Variants in SAMD5 observed in about 807,000 individuals in gnomAD.
The protein encoded by SAMD5 is sterile alpha motif domain containing 5, also known as sterile alpha motif domain-containing protein 5.
Under a neutral mutation model 11.3 loss-of-function variants are expected in SAMD5, and 13 were observed. That is an observed-to-expected ratio of 1.15 (90% CI 0.75 to 1.83). The LOEUF (loss-of-function observed/expected upper bound fraction) is 1.83, where lower values mean the gene tolerates loss of function less well. Among genes scored for constraint, SAMD5 ranks in the 40% most tolerant of loss-of-function variants. SAMD5 has a pLI of 0.00. For synonymous variants in SAMD5, 129 were observed against 111.3 expected (o/e 1.16, Z -1.00); for missense variants, 255 against 239.1 (o/e 1.07, Z -0.44).
intron 1 of SAMD5, among the ~76,000 whole-genome samples, chr6:147,671,331 G>C (rs1442479299): frequency 6.6e-6 from 1 of 152,144 alleles, no homozygotes; most frequent in African/African-American, 2.4e-5. Flanking sequence ...TGGAAAAATG[G>C]CGCCATAAGA....
At chr6:147,773,522 C>T in the SAMD5 span, among the ~76,000 whole-genome samples, 1 of 152,148 alleles carries the variant, frequency 6.6e-6, no homozygotes, top group Non-Finnish European at 1.5e-5. Context: ...TTGGAAAATC[C>T]AAGCTCAAGG....
At chr6:147,829,884 T>C in the SAMD5 span, among the ~76,000 whole-genome samples, 2 of 152,100 alleles carry the variant, frequency 1.3e-5, no homozygotes, top group Non-Finnish European at 2.9e-5. Context: ...TGAAACATAA[T>C]AAGGTTGGTG....
At chr6:147,737,361 T>G in exon 2 of SAMD5, 2 of 1,267,874 alleles carry the variant, frequency 1.6e-6, no homozygotes, top group South Asian at 1.3e-5. Context: ...GCGTGCTGTT[T>G]ATTGGAGCTG....
intron 1 of SAMD5, among the ~76,000 whole-genome samples, chr6:147,661,719 TC>T (rs1198681868): frequency 2.6e-5 from 4 of 152,180 alleles, no homozygotes; most frequent in African/African-American, 9.7e-5. Context: ...AACCTCTGCC[TC>T]CCGGGTTTAA....
At chr6:147,644,613 C>T (rs995024321) in intron 1 of SAMD5, among the ~76,000 whole-genome samples, 1 of 152,082 alleles carries the variant, frequency 6.6e-6, no homozygotes, top group Non-Finnish European at 1.5e-5. Context: ...AGTCTTAGAA[C>T]TTGATAAAAA....
At chr6:147,644,190 AT>A (rs146232936) in intron 1 of SAMD5, among the ~76,000 whole-genome samples, 6,677 of 152,220 alleles carry the variant, frequency 0.044, 166 homozygotes, top group South Asian at 0.054. Flanking sequence ...TGCTGCTCTA[AT>A]TAGAAAACTG....
chr6:147,583,225 A>G (rs1028118399), intron 1 of SAMD5, among the ~76,000 whole-genome samples: 3 of 152,208 alleles, frequency 2.0e-5, no homozygotes, highest in Admixed American at 2.0e-4. Flanking sequence ...TTGTTGCTAA[A>G]TCCAATACCA....
chr6:147,717,525 G>T (rs1236328228), intron 1 of SAMD5, among the ~76,000 whole-genome samples: 3 of 152,144 alleles, frequency 2.0e-5, no homozygotes. Context: ...TTTTGCTCAG[G>T]AATCACTCTG....
At chr6:147,948,291 A>C in the SAMD5 span, among the ~76,000 whole-genome samples, 1 of 151,334 alleles carries the variant, frequency 6.6e-6, no homozygotes, top group Non-Finnish European at 1.5e-5. Flanking sequence ...AAAAAAAAAA[A>C]CACGAATCAT....
chr6:147,806,303 TGCGC>T, the SAMD5 span, among the ~76,000 whole-genome samples: 2,500 of 141,156 alleles, frequency 0.018, 74 homozygotes, highest in African/African-American at 0.066. Flanking sequence ...AGTGTGCGCA[TGCGC>T]GCGCGCGCGC....
At chr6:147,695,421 G>A (rs1261058923) in intron 1 of SAMD5, among the ~76,000 whole-genome samples, 1 of 151,906 alleles carries the variant, frequency 6.6e-6, no homozygotes, top group Admixed American at 6.6e-5. Context: ...GATAATTTAG[G>A]TGATACCATA....
At chr6:147,902,273 G>T in the SAMD5 span, among the ~76,000 whole-genome samples, 2 of 151,802 alleles carry the variant, frequency 1.3e-5, no homozygotes, top group African/African-American at 4.8e-5. Flanking sequence ...TATCAAAGCC[G>T]CATTATAAAA....
chr6:147,945,455 A>G, the SAMD5 span, among the ~76,000 whole-genome samples: 2 of 152,228 alleles, frequency 1.3e-5, no homozygotes, highest in Non-Finnish European at 2.9e-5. Context: ...TTATCCGTGT[A>G]TAAATACATG....
At chr6:147,599,665 G>T (rs1160520924) in intron 1 of SAMD5, among the ~76,000 whole-genome samples, 1 of 152,118 alleles carries the variant, frequency 6.6e-6, no homozygotes, top group African/African-American at 2.4e-5. Context: ...GAAGTGAAGA[G>T]AACCAGAACC....
the SAMD5 span, among the ~76,000 whole-genome samples, chr6:147,808,091 T>C: frequency 2.0e-5 from 3 of 152,366 alleles, no homozygotes; most frequent in Non-Finnish European, 4.4e-5. Context: ...GCTGGTAGCA[T>C]CATCCTTCAG....
the SAMD5 span, among the ~76,000 whole-genome samples, chr6:147,903,519 A>G: frequency 2.0e-5 from 3 of 152,220 alleles, no homozygotes; most frequent in African/African-American, 7.2e-5. Flanking sequence ...TGGTGGACTG[A>G]CCACAAATGG....
intron 1 of SAMD5, among the ~76,000 whole-genome samples, chr6:147,693,439 G>A (rs1791132084): frequency 6.6e-6 from 1 of 152,236 alleles, no homozygotes; most frequent in South Asian, 2.1e-4. Context: ...ATGCTGCAGA[G>A]CCCCACGTCC....
intron 1 of SAMD5, among the ~76,000 whole-genome samples, chr6:147,625,158 G>A (rs187083164): frequency 2.6e-4 from 39 of 152,200 alleles, no homozygotes; most frequent in African/African-American, 8.2e-4. Flanking sequence ...GTGATTATCC[G>A]CATACATATC....
chr6:147,803,426 C>T, the SAMD5 span, among the ~76,000 whole-genome samples: 2 of 152,292 alleles, frequency 1.3e-5, no homozygotes, highest in East Asian at 1.9e-4. Context: ...TGCCTCTAGT[C>T]AGTTCTTTCA....
Sources: allele counts gnomAD v4.1 joint callset (sites outside exome capture counted in the v4.1 genomes callset), GRCh38; gene constraint gnomAD v4.1.1; transcripts MANE v1.5; gene names NCBI Gene and HGNC (gene_info 2026-07-23, HGNC 2026-07-21).